Variants in NTRK2 observed in about 807,000 individuals in gnomAD.
The protein encoded by NTRK2 is BDNF/NT-3 growth factors receptor.
Under a neutral mutation model 94.5 loss-of-function variants are expected in NTRK2, and 13 were observed. The observed-to-expected ratio is 0.14, with a 90% CI of 0.09 to 0.22. The LOEUF is 0.22. Among genes scored for constraint, NTRK2 ranks in the 10% least tolerant of loss-of-function variants. The pLI is 1.00. For synonymous variants in NTRK2, 372 were observed against 407.4 expected (o/e 0.91, Z 1.05); for missense variants, 639 against 1,071.2 (o/e 0.60, Z 5.63).
chr9:84,675,288 G>T (rs1471446572), intron 2 of NTRK2, among the ~76,000 whole-genome samples: 1 of 133,212 alleles, frequency 7.5e-6, no homozygotes, highest in Non-Finnish European at 1.6e-5. Flanking sequence ...AAGGGGAATT[G>T]AATTTCTTTT....
At chr9:84,916,097 G>A (rs1051288364) in intron 14 of NTRK2, among the ~76,000 whole-genome samples, 1 of 151,928 alleles carries the variant, frequency 6.6e-6, no homozygotes, top group Non-Finnish European at 1.5e-5. Flanking sequence ...GCTACAAAGG[G>A]TAGGTCAAGT....
chr9:84,699,761 T>C (rs1025744), intron 2 of NTRK2, among the ~76,000 whole-genome samples: 91,685 of 151,306 alleles, frequency 0.61, 27,909 homozygotes, highest in East Asian at 0.71. Context: ...TTTAAATTGT[T>C]TTTTTTCTTT....
intron 8 of NTRK2, 70 bp downstream of exon 8, chr9:84,724,426 G>A: frequency 1.3e-6 from 2 of 1,583,960 alleles, no homozygotes; most frequent in Non-Finnish European, 1.7e-6. Context: ...TGTTGCTGGG[G>A]CACTCTGGGT....
intron 17 of NTRK2, among the ~76,000 whole-genome samples, chr9:84,981,987 T>G (rs558388148): frequency 6.6e-6 from 1 of 152,350 alleles, no homozygotes; most frequent in East Asian, 1.9e-4. Flanking sequence ...TTTCTGGGTT[T>G]TATCCATTGC....
chr9:84,703,620 C>T lies in NTRK2; in HGVS notation c.359+1201C>T, dbSNP rs116132931. Reference sequence around the variant, plus strand: ...TTCTCTTAGAAGCAGATTGCCTGGACACTCTATTGAAATTTGTTGATATTA... The same window carrying T: ...TTCTCTTAGAAGCAGATTGCCTGGATACTCTATTGAAATTTGTTGATATTA... On this transcript the variant is annotated intron_variant, in intron 4 of 18. Transcript: ENST00000277120. 7.4e-3 allele frequency among the ~76,000 whole-genome samples: 1,121 copies of T among 152,202 alleles called. 13 individuals are homozygous for T. The highest frequency in any genetic ancestry group is 0.025 in the African/African-American group (1,031 of 41,516).
rs528467471 is a variant in NTRK2 at position 84,865,884 on chromosome 9, T to A, written c.1445-1359T>A. On this transcript the variant is annotated intron_variant, in intron 13 of 18. Coordinates refer to ENST00000277120, the MANE Select transcript of NTRK2 (RefSeq NM_006180.6). ...CTGTCATGAGCCACTGCCGTCTTCG[T>A]TGGTTTGAAGCTTTCACGTAGACCT... Among the ~76,000 whole-genome samples the A allele has an allele frequency of 9.2e-5, 14 of 152,348 alleles. No individual in the cohort carries two copies. The East Asian group carries it at 2.5e-3, about 27-fold the overall frequency.
intron 11 of NTRK2, among the ~76,000 whole-genome samples, chr9:84,747,779 C>T (rs149207145): frequency 6.6e-6 from 1 of 152,144 alleles, no homozygotes; most frequent in South Asian, 2.1e-4. Flanking sequence ...CCGCACCTGG[C>T]CTTCTGGGGT....
At chr9:84,773,869 C>T (rs2066786935) in intron 12 of NTRK2, among the ~76,000 whole-genome samples, 1 of 152,148 alleles carries the variant, frequency 6.6e-6, no homozygotes, top group Non-Finnish European at 1.5e-5. Flanking sequence ...TTTATGCATA[C>T]AATCTCTCAA....
chr9:84,921,864 A>G (rs2132585204), intron 14 of NTRK2, among the ~76,000 whole-genome samples: 1 of 152,322 alleles, frequency 6.6e-6, no homozygotes, highest in East Asian at 1.9e-4. Context: ...ACCAAAAATC[A>G]AATGTGTTCA....
At chr9:84,715,137 G>A (rs915679584) in intron 6 of NTRK2, among the ~76,000 whole-genome samples, 1 of 152,124 alleles carries the variant, frequency 6.6e-6, no homozygotes, top group African/African-American at 2.4e-5. Context: ...ACAGGCATTT[G>A]ATGAAGGTTT....
At chr9:84,769,151 G>A (rs1235352856) in intron 12 of NTRK2, among the ~76,000 whole-genome samples, 2 of 152,150 alleles carry the variant, frequency 1.3e-5, no homozygotes, top group South Asian at 2.1e-4. Context: ...TCTTCCAGAT[G>A]TGTTGACGTA....
In NTRK2 at chr9:84,810,410, G is replaced by A. The variant is rs2071641581; in HGVS notation, c.1397-50630G>A. The A allele has an allele frequency of 1.3e-5, 11 of 860,136 alleles. No individual in the cohort carries two copies. The South Asian group carries it at 1.7e-4, about 14-fold the overall frequency. The allele number at this position is 860,136 out of a possible 1,614,324, so 53.3% of individuals were successfully genotyped here. The stretch of plus-strand genomic sequence containing the variant: ...ATTATATATTGCTCTATGGTTTAAA[G>A]TGTATTCCATGTTGTGTCTCATTTT... On this transcript the variant is annotated intron_variant, in intron 12 of 18. Transcript: ENST00000277120.
intron 2 of NTRK2, among the ~76,000 whole-genome samples, chr9:84,700,290 TG>T (rs1417366082): frequency 6.6e-6 from 1 of 152,246 alleles, no homozygotes; most frequent in African/African-American, 2.4e-5. Flanking sequence ...AAAATGTTGG[TG>T]AAAAATCTTG....
chr9:84,960,599 T>TA (rs575242513), intron 17 of NTRK2, among the ~76,000 whole-genome samples: 132 of 152,314 alleles, frequency 8.7e-4, no homozygotes, highest in Non-Finnish European at 1.4e-3. Flanking sequence ...CAGATGTTTT[T>TA]ACCATCTTGT....
intron 9 of NTRK2, among the ~76,000 whole-genome samples, chr9:84,741,155 G>A (rs537750408): frequency 1.3e-5 from 2 of 148,586 alleles, no homozygotes; most frequent in Admixed American, 6.7e-5. Flanking sequence ...TTAAAAAAAT[G>A]TTTTTGGCAA....
At chr9:84,939,723 G>T (rs1464173325) in intron 15 of NTRK2, among the ~76,000 whole-genome samples, 1 of 152,044 alleles carries the variant, frequency 6.6e-6, no homozygotes, top group Admixed American at 6.6e-5. Context: ...GCTGGCTTAA[G>T]CAGAAAAAAA....
chr9:84,854,672 C>A (rs943259881), intron 12 of NTRK2, among the ~76,000 whole-genome samples: 3 of 152,008 alleles, frequency 2.0e-5, no homozygotes, highest in African/African-American at 7.3e-5. Context: ...GAGGGCCGGG[C>A]GCGGTGGCTC....
At chr9:84,676,529 G>C (rs903299333) in intron 2 of NTRK2, among the ~76,000 whole-genome samples, 2 of 152,158 alleles carry the variant, frequency 1.3e-5, no homozygotes, top group African/African-American at 4.8e-5. Flanking sequence ...GAAAGAGAAA[G>C]GGCTTTAGAA....
rs369162349 is a variant in NTRK2 at position 84,870,320 on chromosome 9, G to GGTGTGTGTGTGTGT, written c.1633+2901_1633+2902insGTGTGTGTGTGTGT. Among the ~76,000 whole-genome samples, 92 of 46,332 alleles carry GGTGTGTGTGTGTGT rather than the reference G, an allele frequency of 2.0e-3. 7 individuals carry two copies. The highest frequency in any genetic ancestry group is 0.02 in the Admixed American group (60 of 3,046). The allele number at this position is 46,332 out of a possible 152,430, so 30.4% of individuals were successfully genotyped here. On this transcript the variant is annotated intron_variant, in intron 14 of 18. Transcript: ENST00000277120. ...TACATGTACATATACATATATGTGGGGTGTGTGTGTGTATATATATATATA... is the reference window on the plus strand; with the variant it reads ...TACATGTACATATACATATATGTGGGGTGTGTGTGTGTGTGTGTGTGTGTGTATATATATATATA...
Sources: gnomAD v4.1 joint callset for allele counts (sites outside exome capture counted in the v4.1 genomes callset) on GRCh38, gnomAD v4.1.1 for gene constraint, MANE v1.5 for transcripts, NCBI Gene and HGNC (gene_info 2026-07-23, HGNC 2026-07-21) for gene names.